Variants in PRKDC observed in about 807,000 individuals in gnomAD.
PRKDC encodes protein kinase, DNA-activated, catalytic subunit, also known as DNA-dependent protein kinase catalytic subunit.
A neutral mutation model predicts 486.9 loss-of-function variants in PRKDC; 82 were observed. The ratio of observed to expected loss-of-function variants is 0.17; its 90% confidence interval spans 0.14 to 0.20. The LOEUF (loss-of-function observed/expected upper bound fraction) is 0.20. Ranked by LOEUF, PRKDC falls within the 10% of genes least tolerant of loss-of-function variation. The pLI is 1.00. For missense variants in PRKDC, 4,504 were observed against 5,038.2 expected, an observed-to-expected ratio of 0.89 and a Z score of 3.21; for synonymous variants, 1,895 against 1,837.0, an observed-to-expected ratio of 1.03 and a Z score of -0.81.
intron 72 of PRKDC, 53 bp downstream of exon 72, chr8:47,799,157 A>G (rs768499012): frequency 1.8e-4 from 294 of 1,600,716 alleles, no homozygotes; most frequent in Non-Finnish European, 2.4e-4. Context: ...TACAAAATTC[A>G]TAAGACTTTA....
Position 47,785,307 on chromosome 8 carries a change from T to C in PRKDC, c.10913A>G (p.Lys3638Arg). 2.5e-6 allele frequency: 4 copies of C among 1,581,036 alleles called. No individual in the cohort carries two copies. The East Asian group carries it at 9.1e-5, about 36-fold the overall frequency. ...TTTCCCAAAATGTTTATCAAATTCT[T>C]TTCCAAAAGTCTGAAATTAGTAAGA... ...FRRKFIQTFGKEFDKHFGKGG... is the reference protein window; with the variant it reads ...FRRKFIQTFGREFDKHFGKGG... The change falls in exon 77 of 86, where the codon AAA becomes AGA. Residue 3638 changes from lysine (K) to arginine (R), a missense_variant. Physicochemically the swap from Lys to Arg is conservative, Grantham distance 26. This residue lies in a region of PRKDC where 706 missense variants were observed against 945.0 expected (regional missense o/e 0.75). Transcript: ENST00000314191.
At chr8:47,827,976 A>G (rs1005152502) in intron 62 of PRKDC, among the ~76,000 whole-genome samples, 192 bp downstream of exon 62, 3 of 152,156 alleles carry the variant, frequency 2.0e-5, no homozygotes, top group African/African-American at 7.2e-5. Context: ...ATTCTGTCAC[A>G]TATCGGTTTT....
chr8:47,907,677 G>A (rs762629583), intron 25 of PRKDC, among the ~76,000 whole-genome samples: 2 of 151,490 alleles, frequency 1.3e-5, no homozygotes, highest in Non-Finnish European at 2.9e-5. Context: ...TGGGATTACA[G>A]GCGTCCACCA....
chr8:47,853,894 G>C (rs753954270), intron 51 of PRKDC, among the ~76,000 whole-genome samples, 189 bp downstream of exon 51: 21 of 152,082 alleles, frequency 1.4e-4, no homozygotes, highest in Non-Finnish European at 8.8e-5. Context: ...TTGAACTCCT[G>C]GACTCAAGCA....
intron 58 of PRKDC, among the ~76,000 whole-genome samples, chr8:47,835,540 C>T (rs762572624): frequency 6.9e-6 from 1 of 144,410 alleles, no homozygotes; most frequent in East Asian, 2.0e-4. Flanking sequence ...TCGCTTGAAC[C>T]CAGGAGGCAG....
At chr8:47,941,070 C>T (rs1195927173) in intron 10 of PRKDC, among the ~76,000 whole-genome samples, 1 of 149,330 alleles carries the variant, frequency 6.7e-6, no homozygotes, top group Non-Finnish European at 1.5e-5. Flanking sequence ...GCAGAGGTTG[C>T]AGTAACCCAA....
At chr8:47,789,073 G>GA in intron 75 of PRKDC, 24 bp from the exon 76 acceptor site, 2 of 1,611,030 alleles carry the variant, frequency 1.2e-6, no homozygotes, top group South Asian at 1.1e-5. Flanking sequence ...AAAAAAGTAA[G>GA]AAAAAAATCA....
chr8:47,917,789 G>C (rs2090009627), intron 22 of PRKDC, among the ~76,000 whole-genome samples: 1 of 152,084 alleles, frequency 6.6e-6, no homozygotes, highest in South Asian at 2.1e-4. Flanking sequence ...GGAATGAACA[G>C]AAAAACAAGA....
Position 47,957,988 on chromosome 8 carries a change from TAAATGTATATAGC to T in PRKDC, c.155-570_155-558del, listed in dbSNP as rs146225010. Among the ~76,000 whole-genome samples, 623 of 152,334 alleles carry T rather than the reference TAAATGTATATAGC, an allele frequency of 4.1e-3. 5 individuals are homozygous for T. The highest frequency in any genetic ancestry group is 6.9e-3 in the Admixed American group (106 of 15,296). On this transcript the variant is annotated intron_variant, in intron 1 of 85. Transcript: ENST00000314191. ...CTGGGGTCACATCTTGTGAATATGTTAAATGTATATAGCAAAAGGAAATTGAGCTTGCAGATGG... is the reference window on the plus strand; with the variant it reads ...CTGGGGTCACATCTTGTGAATATGTTAAAAGGAAATTGAGCTTGCAGATGG...
chr8:47,955,938 G>T lies in PRKDC; in HGVS notation c.335C>A (p.Thr112Asn). The T allele has an allele frequency of 6.3e-7, 1 of 1,599,296 alleles. No individual in the cohort carries two copies. Among genetic ancestry groups the T allele is most frequent in the Non-Finnish European group, 8.5e-7 (1 of 1,170,532 alleles). Residue 112 changes from threonine to asparagine, a missense_variant, in exon 4 of 86, where the codon ACC becomes AAC. By Grantham distance (65) the Thr-to-Asn change is moderately conservative. This residue lies in a region of PRKDC where 12 missense variants were observed against 31.1 expected (regional missense o/e 0.39). Transcript: ENST00000314191. ...PYSVEIKNTC[T>N]SVYTKDRAAK... ...AGCTCTATCTTTTGTATAAACACTG[G>T]TACAAGTGTTCTAGGTTTTAAAAAA...
At chr8:47,802,552 G>A (rs2087130918) in intron 70 of PRKDC, among the ~76,000 whole-genome samples, 1 of 145,484 alleles carries the variant, frequency 6.9e-6, no homozygotes, top group Non-Finnish European at 1.5e-5. Context: ...GCGCGATTTT[G>A]GCTCGCTGCA....
At chr8:47,937,512 G>C (rs2090372271) in intron 11 of PRKDC, among the ~76,000 whole-genome samples, 1 of 152,172 alleles carries the variant, frequency 6.6e-6, no homozygotes, top group Admixed American at 6.5e-5. Context: ...TACCACACCA[G>C]AGCCATTTTT....
chr8:47,801,400 T>C (rs576686154), intron 70 of PRKDC, among the ~76,000 whole-genome samples: 1 of 152,280 alleles, frequency 6.6e-6, no homozygotes, highest in Admixed American at 6.5e-5. Context: ...AAGAAATTAA[T>C]AAAAATAAAT....
In PRKDC at chr8:47,820,735, A is replaced by T; in HGVS notation, c.9320T>A (p.Ile3107Asn). Residue 3107 changes from isoleucine to asparagine, a missense_variant, in exon 66 of 86, where the codon ATT (isoleucine) becomes AAT (asparagine). Transcript: ENST00000314191. ...TAGTATTACCTGCATAAAACTCTGA[A>T]TGCCATTTTGAATGTAATATTTGGC... Reference protein sequence around the residue: ...DRAKYYIQNGIQSFMQNYSSI... With the variant: ...DRAKYYIQNGNQSFMQNYSSI... 1 of 1,554,448 alleles carries T rather than the reference A, an allele frequency of 6.4e-7. No homozygotes were observed. The highest frequency in any genetic ancestry group is 1.2e-5 in the South Asian group (1 of 82,992).
chr8:47,916,389 AG>A (rs751083392), intron 22 of PRKDC, among the ~76,000 whole-genome samples: 7 of 152,124 alleles, frequency 4.6e-5, no homozygotes, highest in Non-Finnish European at 8.8e-5. Flanking sequence ...TGGAGGTTGC[AG>A]TGAGCACTCC....
Position 47,899,366 on chromosome 8 carries a change from C to T in PRKDC, c.3365-797G>A, listed in dbSNP as rs8178080. ...TCTTTTTAAAAAATAAACAAAGTTG[C>T]CAGGCGCAGTGGCTCATGCCTGTAA... On this transcript the variant is annotated intron_variant, in intron 28 of 85. Transcript: ENST00000314191. Among the ~76,000 whole-genome samples, 4 of 152,152 alleles carry T rather than the reference C, an allele frequency of 2.6e-5. No individual in the cohort carries two copies. The East Asian group carries it at 7.7e-4, about 29-fold the overall frequency.
At chr8:47,789,575 T>C (rs1554625052) in intron 74 of PRKDC, among the ~76,000 whole-genome samples, 1 of 152,090 alleles carries the variant, frequency 6.6e-6, no homozygotes, top group Non-Finnish European at 1.5e-5. Flanking sequence ...ATTATCCTGA[T>C]ACCAAAACCA....
At chr8:47,819,572 T>G (rs2087536476) in intron 66 of PRKDC, 62 bp from the exon 67 acceptor site, 1 of 916,884 alleles carries the variant, frequency 1.1e-6, no homozygotes, top group African/African-American at 1.8e-5. Context: ...TCAATCAAGC[T>G]GTGACTTTAA....
chr8:47,914,099 T>C, intron 23 of PRKDC, 35 bp from the exon 24 acceptor site: 1 of 1,398,136 alleles, frequency 7.2e-7, no homozygotes, highest in South Asian at 2.0e-5. Flanking sequence ...TGAAACACTT[T>C]TTTTCTTTTT....
Sources: gnomAD v4.1 joint callset for allele counts (sites outside exome capture counted in the v4.1 genomes callset) on GRCh38, gnomAD v4.1.1 for gene constraint, gnomAD v4.1.1 regional missense constraint, MANE v1.5 for transcripts, NCBI Gene and HGNC (gene_info 2026-07-23, HGNC 2026-07-21) for gene names.